TBC1D16: variants seen among roughly 807,000 people sequenced by gnomAD.
TBC1D16 encodes TBC1 domain family member 16.
Under a neutral mutation model 74.7 loss-of-function variants are expected in TBC1D16, and 58 were observed. The observed-to-expected ratio is 0.78, with a 90% CI of 0.63 to 0.97. TBC1D16 has a LOEUF of 0.97. TBC1D16 is among the 50% of genes least tolerant of loss of function. The pLI, the probability that TBC1D16 is intolerant of heterozygous loss-of-function variation, is 0.00. For synonymous variants in TBC1D16, 493 were observed against 474.7 expected (o/e 1.04, Z -0.50); for missense variants, 1,014 against 1,079.5 (o/e 0.94, Z 0.85).
In TBC1D16 at chr17:79,934,932, C is replaced by T. The variant is rs1598296467; in HGVS notation, c.*5927G>A. 1 of 152,340 alleles carries T rather than the reference C, an allele frequency of 6.6e-6. No homozygotes were observed. The highest frequency in any genetic ancestry group is 6.5e-5 in the Admixed American group (1 of 15,270). 9.4% of individuals were successfully genotyped at this position (152,340 alleles called of 1,614,324 possible). A position where few individuals can be genotyped will look rare whatever the true frequency, so the allele number is the denominator to read the frequency against. ...TGATGAAGAGCTGGAGCTCCCCGCC[C>T]CCCGTGCTCCGGGAGGACCAGGAGA... On this transcript the variant is annotated 3_prime_UTR_variant, in exon 12 of 12. Transcript: ENST00000310924.
rs2035739780 is a variant in TBC1D16, at chr17:80,007,927, C to T, written c.779+2233G>A. 6.6e-6 allele frequency among the ~76,000 whole-genome samples: 1 copy of T among 151,982 alleles called. No homozygotes were observed. Among genetic ancestry groups the T allele is most frequent in the African/African-American group, 2.4e-5 (1 of 41,360 alleles). On this transcript the variant is annotated intron_variant, in intron 3 of 11. Transcript: ENST00000310924. The surrounding 1 kb of genome is among the most constrained non-coding windows in gnomAD (Gnocchi z 4.5). ...AAATGATGGGCGGCCCCCGGTGGGTCCCAGGCAGAGGGACAGCCTGGCTTC... is the reference window on the plus strand; with the variant it reads ...AAATGATGGGCGGCCCCCGGTGGGTTCCAGGCAGAGGGACAGCCTGGCTTC...
rs575575614 is a variant in TBC1D16 at position 80,028,907 on chromosome 17, G to A, written c.-63+6888C>T. 4.4e-4 allele frequency among the ~76,000 whole-genome samples: 67 copies of A among 152,140 alleles called. No individual in the cohort carries two copies. In the South Asian group the frequency reaches 8.5e-3, roughly 19 times the overall value. ...GATTACACGCGTGAGCCACCGCCCC[G>A]AGCCGACCAGTTGATTTCTGTGCTG... On this transcript the variant is annotated intron_variant, in intron 1 of 11. Coordinates refer to ENST00000310924, the MANE Select transcript of TBC1D16 (RefSeq NM_019020.4).
rs2033253673 is a variant in TBC1D16 at position 79,954,713 on chromosome 17, G to A, written c.780-1895C>T. 2.6e-5 allele frequency among the ~76,000 whole-genome samples: 4 copies of A among 152,248 alleles called. No individual in the cohort carries two copies. In the South Asian group the frequency reaches 6.2e-4, roughly 24 times the overall value. On this transcript the variant is annotated intron_variant, in intron 3 of 11. Transcript: ENST00000310924. This position sits in a 1 kb window ranked among gnomAD's most constrained non-coding sequence, Gnocchi z 5.5. ...TTCTGTCATCTGCTCATTGAACCGC[G>A]GGGCTGCTGTGACTGTGAGAGCTGC...
chr17:80,032,338 T>C (rs2036803867), intron 1 of TBC1D16, among the ~76,000 whole-genome samples: 1 of 152,222 alleles, frequency 6.6e-6, no homozygotes, highest in African/African-American at 2.4e-5. Context: ...GGGCAGGCCA[T>C]TCCGACTGGA....
rs143618029 is a variant in TBC1D16, at chr17:80,010,373, G to C, written c.566C>G (p.Thr189Arg). 6.2e-7 allele frequency: 1 copy of C among 1,612,100 alleles called. No individual in the cohort carries two copies. Among genetic ancestry groups the C allele is most frequent in the Non-Finnish European group, 8.5e-7 (1 of 1,179,304 alleles). Reference sequence around the variant, plus strand: ...CTCGGTGACATCCTGCGGACTGACCGTCGACAAGATCCCGGAGGGGCTGCA... The same window carrying C: ...CTCGGTGACATCCTGCGGACTGACCCTCGACAAGATCCCGGAGGGGCTGCA... ...PACSPSGILS[T>R]VSPQDVTEEG... Residue 189 changes from threonine (T) to arginine (R), a missense_variant, in exon 3 of 12, where the codon ACG becomes AGG. Thr to Arg is a moderately conservative substitution (Grantham distance 71, BLOSUM62 -1). Transcript: ENST00000310924. The surrounding 1 kb of genome is among the most constrained non-coding windows in gnomAD (Gnocchi z 8.8).
rs1218730583 is a variant in TBC1D16, at chr17:79,956,550, G to C, written c.780-3732C>G. 6.6e-6 allele frequency among the ~76,000 whole-genome samples: 1 copy of C among 152,148 alleles called. No homozygotes were observed. The highest frequency in any genetic ancestry group is 1.5e-5 in the Non-Finnish European group (1 of 68,020). The stretch of plus-strand genomic sequence containing the variant: ...ACTACAGGCGTGAGCCACCACGCTG[G>C]GCCCGGTGGTCGCTTTAAGTTGCTG... On this transcript the variant is annotated intron_variant, in intron 3 of 11. Transcript: ENST00000310924. The surrounding 1 kb of genome is among the most constrained non-coding windows in gnomAD (Gnocchi z 4.0).
At position 79,941,560 on chromosome 17, in the gene TBC1D16, G is replaced by A. The variant is rs1187633316; in HGVS notation, c.2056-453C>T. On this transcript the variant is annotated intron_variant, in intron 11 of 11. Transcript: ENST00000310924. This position sits in a 1 kb window ranked among gnomAD's most constrained non-coding sequence, Gnocchi z 4.3. ...TGTGCCAGAGGACACCACCGACCTCGGGACCCCCGCTCAGTGCCCTGAGGA... is the reference window on the plus strand; with the variant it reads ...TGTGCCAGAGGACACCACCGACCTCAGGACCCCCGCTCAGTGCCCTGAGGA... Among the ~76,000 whole-genome samples, 4 of 151,974 alleles carry A rather than the reference G, an allele frequency of 2.6e-5. No homozygotes were observed. The highest frequency in any genetic ancestry group is 4.8e-5 in the African/African-American group (2 of 41,450).
rs1288858918 is a variant in TBC1D16 at position 79,954,944 on chromosome 17, T to G, written c.780-2126A>C. Among the ~76,000 whole-genome samples the G allele has an allele frequency of 3.9e-5, 6 of 152,144 alleles. No individual in the cohort carries two copies. The highest frequency in any genetic ancestry group is 8.8e-5 in the Non-Finnish European group (6 of 68,012). ...ACCAGACAGAACACAGAGACTCGCT[T>G]TGGCAGTCACGGATGGAGGGCCCCC... On this transcript the variant is annotated intron_variant, in intron 3 of 11. Transcript: ENST00000310924. This position sits in a 1 kb window ranked among gnomAD's most constrained non-coding sequence, Gnocchi z 5.5.
intron 3 of TBC1D16, among the ~76,000 whole-genome samples, chr17:79,958,239 T>G (rs2033434462): frequency 6.9e-6 from 1 of 144,486 alleles, no homozygotes; most frequent in African/African-American, 2.6e-5. Flanking sequence ...TTTTTTGAGA[T>G]GGAGTTTTTT....
chr17:79,961,422 T>G lies in TBC1D16; in HGVS notation c.780-8604A>C, dbSNP rs1423045506. 6.6e-6 allele frequency among the ~76,000 whole-genome samples: 1 copy of G among 152,248 alleles called. No homozygotes were observed. On this transcript the variant is annotated intron_variant, in intron 3 of 11. Coordinates refer to ENST00000310924, the MANE Select transcript of TBC1D16 (RefSeq NM_019020.4). The surrounding 1 kb of genome is among the most constrained non-coding windows in gnomAD (Gnocchi z 4.8). The stretch of plus-strand genomic sequence containing the variant: ...GGGAATGCAACACGGCAAACCACTT[T>G]AGGAAAGCAGTTCAGTAATTTCTTA...
chr17:79,967,429 G>A (rs184466769), intron 3 of TBC1D16, among the ~76,000 whole-genome samples: 14 of 152,242 alleles, frequency 9.2e-5, no homozygotes, highest in Admixed American at 4.6e-4. Flanking sequence ...AATGAAGTCA[G>A]TAAGTTTGCA....
Position 79,971,598 on chromosome 17 carries a change from T to G in TBC1D16, c.780-18780A>C, listed in dbSNP as rs775589373. Among the ~76,000 whole-genome samples the G allele has an allele frequency of 4.6e-5, 7 of 152,108 alleles. No individual in the cohort carries two copies. Among genetic ancestry groups the G allele is most frequent in the Non-Finnish European group, 8.8e-5 (6 of 68,026 alleles). Reference sequence around the variant, plus strand: ...TTTTGGAATAATGGCTCAGGGGCAATTAGAAAAGAAGAGTCTTTAACGTAT... The same window carrying G: ...TTTTGGAATAATGGCTCAGGGGCAAGTAGAAAAGAAGAGTCTTTAACGTAT... On this transcript the variant is annotated intron_variant, in intron 3 of 11. Coordinates refer to ENST00000310924, the MANE Select transcript of TBC1D16 (RefSeq NM_019020.4). This position sits in a 1 kb window ranked among gnomAD's most constrained non-coding sequence, Gnocchi z 4.6.
chr17:79,949,110 C>G, intron 7 of TBC1D16, 104 bp from the exon 8 acceptor site: 1 of 1,496,706 alleles, frequency 6.7e-7, no homozygotes, highest in Non-Finnish European at 9.1e-7. Flanking sequence ...CCCCCGTTCC[C>G]TGGACGGGAG....
rs1260931759 is a variant in TBC1D16, at chr17:79,950,455, G to T, written c.1213C>A (p.Leu405Met). 3.1e-6 allele frequency: 5 copies of T among 1,612,918 alleles called. No individual in the cohort carries two copies. Among genetic ancestry groups the T allele is most frequent in the Non-Finnish European group, 4.2e-6 (5 of 1,179,922 alleles). The change falls in exon 6 of 12, where the codon CTG becomes ATG. Residue 405 changes from leucine (L) to methionine (M), a missense_variant. Transcript: ENST00000310924. This position sits in a 1 kb window ranked among gnomAD's most constrained non-coding sequence, Gnocchi z 4.6. ...RLGVSAWLNHLNELGQVEEEY... is the reference protein window; with the variant it reads ...RLGVSAWLNHMNELGQVEEEY... ...TCCTCCACCTGGCCCAGCTCATTCAGGTGGTTGAGCCAGGCGGAGACGCCG... is the reference window on the plus strand; with the variant it reads ...TCCTCCACCTGGCCCAGCTCATTCATGTGGTTGAGCCAGGCGGAGACGCCG...
intron 3 of TBC1D16, among the ~76,000 whole-genome samples, chr17:80,005,592 G>T (rs2035644469): frequency 6.6e-6 from 1 of 152,212 alleles, no homozygotes. Flanking sequence ...TCTCAGGGCG[G>T]GGAGGCAGGA....
rs1390019777 is a variant in TBC1D16 at position 80,001,511 on chromosome 17, T to A, written c.779+8649A>T. ...GCCCGGAGGGGTGGGCGGGGGTTCC[T>A]GGAGCATCCTCAGGGGGCGGCGGGC... On this transcript the variant is annotated intron_variant, in intron 3 of 11. Coordinates refer to ENST00000310924, the MANE Select transcript of TBC1D16 (RefSeq NM_019020.4). This position sits in a 1 kb window ranked among gnomAD's most constrained non-coding sequence, Gnocchi z 5.8. Among the ~76,000 whole-genome samples the A allele has an allele frequency of 6.6e-6, 1 of 150,778 alleles. No individual in the cohort carries two copies. Among genetic ancestry groups the A allele is most frequent in the Non-Finnish European group, 1.5e-5 (1 of 67,672 alleles).
At chr17:80,018,573 T>C (rs2036180002) in intron 1 of TBC1D16, among the ~76,000 whole-genome samples, 1 of 148,690 alleles carries the variant, frequency 6.7e-6, no homozygotes, top group Non-Finnish European at 1.5e-5. Context: ...TGAGCCACCG[T>C]GCCCAGCCTG....
chr17:79,984,753 C>T (rs2034761471), intron 3 of TBC1D16, among the ~76,000 whole-genome samples: 1 of 147,132 alleles, frequency 6.8e-6, no homozygotes, highest in Non-Finnish European at 1.5e-5. Flanking sequence ...CTCCCCAAAA[C>T]AAAAATAGCC....
At position 79,988,519 on chromosome 17, in the gene TBC1D16, G is replaced by A. The variant is rs561092270; in HGVS notation, c.779+21641C>T. On this transcript the variant is annotated intron_variant, in intron 3 of 11. Transcript: ENST00000310924. The surrounding 1 kb of genome is among the most constrained non-coding windows in gnomAD (Gnocchi z 5.7). ...AAGACCATGGCTGAAAGTCAAACGCGCCCAGAGTCCACAGTCGACCACCTC... is the reference window on the plus strand; with the variant it reads ...AAGACCATGGCTGAAAGTCAAACGCACCCAGAGTCCACAGTCGACCACCTC... 1.3e-5 allele frequency among the ~76,000 whole-genome samples: 2 copies of A among 152,224 alleles called. No homozygotes were observed. The highest frequency in any genetic ancestry group is 6.5e-5 in the Admixed American group (1 of 15,278).
Sources: allele counts gnomAD v4.1 joint callset (sites outside exome capture counted in the v4.1 genomes callset), GRCh38; gene constraint gnomAD v4.1.1; non-coding constraint Gnocchi (gnomAD v3.1); transcripts MANE v1.5; gene names NCBI Gene and HGNC (gene_info 2026-07-23, HGNC 2026-07-21).